CUX1: variants seen among roughly 807,000 people sequenced by gnomAD.
CUX1 encodes the protein protein CASP.
A neutral mutation model predicts 158.8 loss-of-function variants in CUX1; 31 were observed. That is an observed-to-expected ratio of 0.20 (90% CI 0.15 to 0.26). The LOEUF (loss-of-function observed/expected upper bound fraction) is 0.26, where lower values mean the gene tolerates loss of function less well. CUX1 is among the 10% of genes least tolerant of loss of function. The probability of loss-of-function intolerance (pLI) is 1.00; values close to 1 mark genes in which losing one functional copy is unlikely to be tolerated. For missense variants in CUX1, 1,589 were observed against 2,014.6 expected (o/e 0.79, Z 4.04); for synonymous variants, 879 against 862.1 (o/e 1.02, Z -0.34).
At chr7:102,146,327 G>T (rs1017264895) in intron 8 of CUX1, among the ~76,000 whole-genome samples, 1 of 152,168 alleles carries the variant, frequency 6.6e-6, no homozygotes, top group Non-Finnish European at 1.5e-5. Flanking sequence ...TCCCGATCAC[G>T]CTGGGGTCAC....
intron 8 of CUX1, among the ~76,000 whole-genome samples, chr7:102,138,874 A>G (rs1834163131): frequency 6.6e-6 from 1 of 152,182 alleles, no homozygotes; most frequent in African/African-American, 2.4e-5. Context: ...GGATTTACAC[A>G]CATAGACAAA....
intron 8 of CUX1, among the ~76,000 whole-genome samples, chr7:102,152,403 TTTTG>T (rs753168669): frequency 6.0e-5 from 9 of 149,410 alleles, no homozygotes; most frequent in Non-Finnish European, 8.8e-5. Context: ...ACATACAGAT[TTTTG>T]TTTGTTTGTT....
intron 2 of CUX1, among the ~76,000 whole-genome samples, chr7:101,970,560 T>G (rs1338384140): frequency 2.6e-5 from 4 of 152,140 alleles, no homozygotes; most frequent in Admixed American, 2.0e-4. Context: ...CTTTCTTTTC[T>G]TTCTTTCTTT....
At chr7:102,021,865 T>C (rs565085871) in intron 2 of CUX1, among the ~76,000 whole-genome samples, 14 of 152,264 alleles carry the variant, frequency 9.2e-5, no homozygotes, top group African/African-American at 3.4e-4. Flanking sequence ...CCGGCCCAGA[T>C]ATTTTAAAAA....
Position 102,168,304 on chromosome 7 carries a change from A to AGGCAGGCGGCCACC in CUX1, c.724-2141_724-2128dup, listed in dbSNP as rs1281527175. On this transcript the variant is annotated intron_variant, in intron 9 of 23. Coordinates refer to ENST00000292535, the MANE Select transcript of CUX1 (RefSeq NM_181552.4). ...AATTCCAAGAGCTCCTGGAGAGGCA[A>AGGCAGGCGGCCACC]GGCAGGCGGCCACCAGCACCGCCCT... Among the ~76,000 whole-genome samples the AGGCAGGCGGCCACC allele has an allele frequency of 1.2e-4, 19 of 152,230 alleles. No homozygotes were observed. The East Asian group carries it at 3.5e-3, about 28-fold the overall frequency.
chr7:102,079,107 C>T (rs1408197697), intron 4 of CUX1, among the ~76,000 whole-genome samples: 1 of 152,120 alleles, frequency 6.6e-6, no homozygotes, highest in African/African-American at 2.4e-5. Context: ...GCCTGCCCCT[C>T]ACTCAAAGAT....
chr7:102,282,137 C>T (rs782504111), intron 21 of CUX1, among the ~76,000 whole-genome samples: 8 of 152,170 alleles, frequency 5.3e-5, no homozygotes, highest in Non-Finnish European at 8.8e-5. Flanking sequence ...CCAGCCGGGC[C>T]GCTCCGTGAA....
At chr7:102,077,593 C>T (rs115283354) in intron 4 of CUX1, among the ~76,000 whole-genome samples, 5,283 of 148,158 alleles carry the variant, frequency 0.036, 311 homozygotes, top group African/African-American at 0.12. Flanking sequence ...AGTTCAAGAC[C>T]AGCCTGGCAA....
intron 12 of CUX1, among the ~76,000 whole-genome samples, chr7:102,190,663 C>T (rs1434912480): frequency 4.6e-5 from 7 of 152,218 alleles, no homozygotes; most frequent in African/African-American, 1.7e-4. Context: ...TGGTGACCAG[C>T]CCCACAGGTC....
intron 12 of CUX1, among the ~76,000 whole-genome samples, chr7:102,191,238 C>T (rs1214688139): frequency 6.6e-6 from 1 of 152,116 alleles, no homozygotes; most frequent in Non-Finnish European, 1.5e-5. Flanking sequence ...TGCTTGCTTA[C>T]TTATTTATTT....
Position 102,248,061 on chromosome 7 carries a change from G to A in CUX1, c.3888-351G>A, listed in dbSNP as rs1554537550. Among the ~76,000 whole-genome samples, 1 of 152,094 alleles carries A rather than the reference G, an allele frequency of 6.6e-6. No individual in the cohort carries two copies. Among genetic ancestry groups the A allele is most frequent in the Non-Finnish European group, 1.5e-5 (1 of 68,006 alleles). ...CAGGAGAATCGCTTGAACCCAGGAGGCAGAGGTTGCAGTCTGCGGAGATTG... is the reference window on the plus strand; with the variant it reads ...CAGGAGAATCGCTTGAACCCAGGAGACAGAGGTTGCAGTCTGCGGAGATTG... On this transcript the variant is annotated intron_variant, in intron 23 of 23. Transcript: ENST00000292535. This position sits in a 1 kb window ranked among gnomAD's most constrained non-coding sequence, Gnocchi z 5.8.
intron 2 of CUX1, among the ~76,000 whole-genome samples, chr7:101,954,263 G>A (rs1020468220): frequency 1.3e-5 from 2 of 152,204 alleles, no homozygotes; most frequent in African/African-American, 4.8e-5. Context: ...GGCTGAGGTT[G>A]GGGGATAGCC....
chr7:101,952,289 A>C (rs1389261285), intron 2 of CUX1, among the ~76,000 whole-genome samples: 1 of 152,144 alleles, frequency 6.6e-6, no homozygotes, highest in Non-Finnish European at 1.5e-5. Context: ...AGTAGACTTG[A>C]GGATTGCTTG....
intron 3 of CUX1, among the ~76,000 whole-genome samples, chr7:102,051,290 C>A (rs1447913640): frequency 2.5e-4 from 38 of 152,032 alleles, no homozygotes; most frequent in Admixed American, 2.5e-3. Context: ...TTAAAACTTG[C>A]CCTAAGTTTG....
At chr7:102,085,219 C>T (rs937720557) in intron 4 of CUX1, among the ~76,000 whole-genome samples, 1 of 152,100 alleles carries the variant, frequency 6.6e-6, no homozygotes, top group Admixed American at 6.5e-5. Flanking sequence ...TCTTACTTAG[C>T]CATGCATTTT....
chr7:102,088,859 T>C (rs1239725608), intron 4 of CUX1, among the ~76,000 whole-genome samples: 4 of 152,224 alleles, frequency 2.6e-5, no homozygotes, highest in Non-Finnish European at 5.9e-5. Context: ...TTTGGGTTTA[T>C]CCTGCATGGA....
intron 1 of CUX1, among the ~76,000 whole-genome samples, chr7:101,823,450 C>G (rs879674843): frequency 6.6e-6 from 1 of 152,192 alleles, no homozygotes; most frequent in Non-Finnish European, 1.5e-5. Context: ...TTATAAAGCA[C>G]ACGACCCCCC....
chr7:101,931,771 G>T (rs182899464), intron 2 of CUX1, among the ~76,000 whole-genome samples: 5 of 152,176 alleles, frequency 3.3e-5, no homozygotes, highest in Middle Eastern at 3.4e-3. Context: ...ACTATGTTAC[G>T]CACGCTGGTC....
At chr7:102,143,332 G>T (rs576053235) in intron 8 of CUX1, among the ~76,000 whole-genome samples, 1 of 152,104 alleles carries the variant, frequency 6.6e-6, no homozygotes, top group South Asian at 2.1e-4. Flanking sequence ...ACAGAGGCGC[G>T]ATCATAGCTC....
Sources: allele counts gnomAD v4.1 joint callset (sites outside exome capture counted in the v4.1 genomes callset), GRCh38; gene constraint gnomAD v4.1.1; non-coding constraint Gnocchi (gnomAD v3.1); transcripts MANE v1.5; gene names NCBI Gene and HGNC (gene_info 2026-07-23, HGNC 2026-07-21).